Variants in ZFYVE28 observed in about 807,000 individuals in gnomAD.
ZFYVE28 encodes lateral signaling target protein 2 homolog.
Under a neutral mutation model 82.1 loss-of-function variants are expected in ZFYVE28, and 40 were observed. The ratio of observed to expected loss-of-function variants is 0.49; its 90% CI spans 0.38 to 0.63. ZFYVE28 has a LOEUF of 0.63. Among genes scored for constraint, ZFYVE28 ranks in the 30% least tolerant of loss-of-function variants. The pLI, the probability that ZFYVE28 is intolerant of heterozygous loss-of-function variation, is 0.00. For missense variants in ZFYVE28, 1,321 were observed against 1,242.1 expected, an observed-to-expected ratio of 1.06 and a Z score of -0.96; for synonymous variants, 612 against 546.1, an observed-to-expected ratio of 1.12 and a Z score of -1.68.
At chr4:2,378,886 C>T (rs538652261) in intron 1 of ZFYVE28, among the ~76,000 whole-genome samples, 173 of 152,222 alleles carry the variant, frequency 1.1e-3, no homozygotes, top group Non-Finnish European at 1.9e-3. Flanking sequence ...AAATCAGAAT[C>T]AAGGTCCACC....
chr4:2,356,221 C>T (rs552301631), intron 1 of ZFYVE28, among the ~76,000 whole-genome samples: 13 of 152,306 alleles, frequency 8.5e-5, no homozygotes, highest in South Asian at 4.1e-4. Flanking sequence ...TGGGCTCCAG[C>T]GACGGCTGCA....
At chr4:2,351,112 AT>A (rs1373188419) in intron 2 of ZFYVE28, among the ~76,000 whole-genome samples, 8 of 152,134 alleles carry the variant, frequency 5.3e-5, no homozygotes, top group African/African-American at 1.7e-4. Context: ...TGGCATCTGA[AT>A]GGGGGGCCGT....
intron 1 of ZFYVE28, 57 bp from the exon 2 acceptor site, chr4:2,354,130 G>A (rs1052483950): frequency 3.9e-5 from 55 of 1,414,202 alleles, no homozygotes; most frequent in Admixed American, 8.4e-5. Flanking sequence ...GGGATGCCTC[G>A]GTTGGTTGCC....
rs1241296087 is a variant in ZFYVE28, at chr4:2,367,799, G to A, written c.40-13726C>T. Among the ~76,000 whole-genome samples the A allele has an allele frequency of 2.6e-5, 4 of 152,194 alleles. No homozygotes were observed. The East Asian group carries it at 5.8e-4, about 22-fold the overall frequency. ...TACTCAAGGAGGCCTCACCAGCCCAGGCAGGTGGACTGATGCTCAGTCCTG... is the reference window on the plus strand; with the variant it reads ...TACTCAAGGAGGCCTCACCAGCCCAAGCAGGTGGACTGATGCTCAGTCCTG... On this transcript the variant is annotated intron_variant, in intron 1 of 12. Transcript: ENST00000290974.
In ZFYVE28 at chr4:2,409,547, C is replaced by T. The variant is rs1471626750; in HGVS notation, c.39+8738G>A. Among the ~76,000 whole-genome samples the T allele has an allele frequency of 3.3e-5, 5 of 152,218 alleles. No homozygotes were observed. The highest frequency in any genetic ancestry group is 3.3e-4 in the Admixed American group (5 of 15,292). ...CCCCTTGCCACTCACATCTCAGCAGCCCCCTCGCCCCCACTCCGCTGGCTG... is the reference window on the plus strand; with the variant it reads ...CCCCTTGCCACTCACATCTCAGCAGTCCCCTCGCCCCCACTCCGCTGGCTG... On this transcript the variant is annotated intron_variant, in intron 1 of 12. Transcript: ENST00000290974. The surrounding 1 kb of genome is among the most constrained non-coding windows in gnomAD (Gnocchi z 4.4).
At chr4:2,287,484 CCT>C (rs1197272125) in intron 8 of ZFYVE28, 8 of 152,268 alleles carry the variant, frequency 5.3e-5, no homozygotes, top group Admixed American at 3.3e-4. Flanking sequence ...CCCTGAAGGG[CCT>C]CTGAGTTTGC....
rs369518706 is a variant in ZFYVE28, at chr4:2,337,370, G to A, written c.611+37C>T. 5.4e-4 allele frequency: 839 copies of A among 1,555,760 alleles called. 11 individuals are homozygous for A. Among genetic ancestry groups the A allele is most frequent in the Middle Eastern group, 5.5e-4 (3 of 5,472 alleles). On this transcript the variant is annotated intron_variant, in intron 5 of 12. Coordinates refer to ENST00000290974, the MANE Select transcript of ZFYVE28 (RefSeq NM_020972.3). ...CCTGGAGTGAGGCAGGGACTCCCCA[G>A]ATGCTGCCCCCAGCCCCTAAGCATC...
chr4:2,334,257 G>A (rs1019638482), intron 6 of ZFYVE28, among the ~76,000 whole-genome samples: 1 of 152,102 alleles, frequency 6.6e-6, no homozygotes, highest in African/African-American at 2.4e-5. Context: ...TAGAGACCAC[G>A]CTGGAGCCCT....
Position 2,408,214 on chromosome 4 carries a change from C to G in ZFYVE28, c.39+10071G>C, listed in dbSNP as rs1247522383. ...CCAGTCCTGGACCAACACATCTCCC[C>G]TAACCCCACCATGCCCTGGGCCTCC... On this transcript the variant is annotated intron_variant, in intron 1 of 12. Transcript: ENST00000290974. This position sits in a 1 kb window ranked among gnomAD's most constrained non-coding sequence, Gnocchi z 4.3. 6.6e-6 allele frequency among the ~76,000 whole-genome samples: 1 copy of G among 152,218 alleles called. No homozygotes were observed. Among genetic ancestry groups the G allele is most frequent in the African/African-American group, 2.4e-5 (1 of 41,466 alleles).
chr4:2,401,878 C>T (rs1213741752), intron 1 of ZFYVE28, among the ~76,000 whole-genome samples: 2 of 152,204 alleles, frequency 1.3e-5, no homozygotes, highest in African/African-American at 4.8e-5. Context: ...CCTCGAGCCT[C>T]TCATGAGAAA....
At chr4:2,301,195 G>A (rs935447795) in intron 8 of ZFYVE28, among the ~76,000 whole-genome samples, 3 of 152,168 alleles carry the variant, frequency 2.0e-5, no homozygotes, top group Non-Finnish European at 4.4e-5. Flanking sequence ...CTTGTTCCTT[G>A]GTGGGTCTCC....
In ZFYVE28 at chr4:2,304,937, G is replaced by C; in HGVS notation, c.1403C>G (p.Thr468Arg). The change falls in exon 8 of 13, where the codon ACA becomes AGA. Residue 468 changes from threonine (T) to arginine (R), a missense_variant. Physicochemically the swap from Thr to Arg is moderately conservative, Grantham distance 71 (BLOSUM62 -1). Around this residue, in one of 2 missense-constraint regions of ZFYVE28, gnomAD observed 978 missense variants for 833.7 expected, o/e 1.17. Coordinates refer to ENST00000290974, the MANE Select transcript of ZFYVE28 (RefSeq NM_020972.3). ...GGTGCCCGCGAGGCTGGCCCCATCT[G>C]TGCCCTCGGCCTCGAGATTGTTGTT... The part of the protein sequence containing the change: ...LSNNNLEAEG[T>R]DGASLAGTSS... The C allele has an allele frequency of 1.2e-6, 2 of 1,612,672 alleles. No homozygotes were observed.
intron 8 of ZFYVE28, among the ~76,000 whole-genome samples, chr4:2,278,627 C>A (rs1312530038): frequency 6.6e-6 from 1 of 151,710 alleles, no homozygotes; most frequent in Non-Finnish European, 1.5e-5. Context: ...AGACTTTCTG[C>A]TTCATAGGAC....
intron 1 of ZFYVE28, among the ~76,000 whole-genome samples, chr4:2,358,048 G>C (rs540251812): frequency 2.6e-5 from 4 of 152,268 alleles, no homozygotes; most frequent in African/African-American, 4.8e-5. Context: ...GACCAAAGAG[G>C]GGACTGAGCC....
intron 1 of ZFYVE28, among the ~76,000 whole-genome samples, chr4:2,384,599 G>C (rs1464003256): frequency 6.6e-6 from 1 of 152,164 alleles, no homozygotes; most frequent in Admixed American, 6.5e-5. Flanking sequence ...GATGGGGTGG[G>C]GGAGCAGAAG....
In ZFYVE28 at chr4:2,300,580, G is replaced by T. The variant is rs914021177; in HGVS notation, c.2051+3709C>A. On this transcript the variant is annotated intron_variant, in intron 8 of 12. Coordinates refer to ENST00000290974, the MANE Select transcript of ZFYVE28 (RefSeq NM_020972.3). This position sits in a 1 kb window ranked among gnomAD's most constrained non-coding sequence, Gnocchi z 4.6. The stretch of plus-strand genomic sequence containing the variant: ...GACCCTCACGCCAGGACTCCAGTGG[G>T]CCATGTGCCAACCCACCTCCTGCGT... 6.6e-6 allele frequency among the ~76,000 whole-genome samples: 1 copy of T among 152,104 alleles called. No individual in the cohort carries two copies. Among genetic ancestry groups the T allele is most frequent in the Non-Finnish European group, 1.5e-5 (1 of 68,034 alleles).
chr4:2,304,787 A>G lies in ZFYVE28; in HGVS notation c.1553T>C (p.Ile518Thr). The G allele has an allele frequency of 6.2e-7, 1 of 1,612,538 alleles. No individual in the cohort carries two copies. Among genetic ancestry groups the G allele is most frequent in the Non-Finnish European group, 8.5e-7 (1 of 1,179,922 alleles). ...GGAAGTGGGCGATTTGGGGTTGAAG[A>G]TGACCGTGGCTGAGAGCTTCATGCC... ...TGGMKLSATV[I>T]FNPKSPTSLD... Residue 518 changes from isoleucine (I) to threonine (T), a missense_variant, in exon 8 of 13, where the codon ATC becomes ACC. Physicochemically the swap from Ile to Thr is moderately conservative, Grantham distance 89. Around this residue, in one of 2 missense-constraint regions of ZFYVE28, gnomAD observed 978 missense variants for 833.7 expected, o/e 1.17. Coordinates refer to ENST00000290974, the MANE Select transcript of ZFYVE28 (RefSeq NM_020972.3).
intron 8 of ZFYVE28, among the ~76,000 whole-genome samples, chr4:2,294,811 T>C (rs544409147): frequency 6.6e-6 from 1 of 152,002 alleles, no homozygotes; most frequent in African/African-American, 2.4e-5. Context: ...CAATGACAAA[T>C]AGCACATGAA....
chr4:2,337,590 G>A lies in ZFYVE28; in HGVS notation c.522-94C>T, dbSNP rs368847512. The A allele has an allele frequency of 1.2e-4, 119 of 995,774 alleles. 2 individuals carry two copies. The East Asian group carries it at 1.6e-3, about 14-fold the overall frequency. The allele number at this position is 995,774 out of a possible 1,614,324, so 61.7% of individuals were successfully genotyped here. A position where few individuals can be genotyped will look rare whatever the true frequency, so the allele number is the denominator to read the frequency against. Reference sequence around the variant, plus strand: ...GGGCATCTTCAATTAAAGCTGCAATGCTGGGCAAGGTGGGGGCGGGGGGCC... The same window carrying A: ...GGGCATCTTCAATTAAAGCTGCAATACTGGGCAAGGTGGGGGCGGGGGGCC... On this transcript the variant is annotated intron_variant, in intron 4 of 12. Transcript: ENST00000290974.
Sources: gnomAD v4.1 joint callset for allele counts (sites outside exome capture counted in the v4.1 genomes callset) on GRCh38, gnomAD v4.1.1 for gene constraint, gnomAD v4.1.1 regional missense constraint, Gnocchi (gnomAD v3.1) non-coding constraint, MANE v1.5 for transcripts, NCBI Gene and HGNC (gene_info 2026-07-23, HGNC 2026-07-21) for gene names.